RBMS1: variants seen among roughly 807,000 people sequenced by gnomAD.
RBMS1 encodes RNA-binding motif, single-stranded-interacting protein 1.
Under a neutral mutation model 62.3 loss-of-function variants are expected in RBMS1, and 17 were observed. The ratio of observed to expected loss-of-function variants is 0.27; its 90% CI spans 0.19 to 0.41. RBMS1 has a LOEUF of 0.41. Ranked by LOEUF, RBMS1 falls within the 10% of genes least tolerant of loss-of-function variation. The pLI is 1.00. For missense variants in RBMS1, 334 were observed against 504.5 expected (o/e 0.66, Z 3.24); for synonymous variants, 172 against 170.0 (o/e 1.01, Z -0.09).
intron 1 of RBMS1, 112 bp downstream of exon 1, chr2:160,493,177 C>A: frequency 9.2e-7 from 1 of 1,082,562 alleles, no homozygotes; most frequent in South Asian, 1.4e-5. Flanking sequence ...CTTCCAGCAA[C>A]TCCGCCCGGC....
At chr2:160,488,338 G>A (rs1685681411) in intron 1 of RBMS1, among the ~76,000 whole-genome samples, 1 of 152,170 alleles carries the variant, frequency 6.6e-6, no homozygotes, top group African/African-American at 2.4e-5. Context: ...CACTTTGAAA[G>A]GAGGCTGAGG....
chr2:160,458,150 G>GCT (rs1684321283), intron 1 of RBMS1, among the ~76,000 whole-genome samples: 1 of 151,944 alleles, frequency 6.6e-6, no homozygotes, highest in African/African-American at 2.4e-5. Flanking sequence ...TTTTCATAGA[G>GCT]ATAGAATCTC....
chr2:160,373,872 C>A (rs761422116), intron 1 of RBMS1, among the ~76,000 whole-genome samples: 5 of 151,996 alleles, frequency 3.3e-5, no homozygotes, highest in African/African-American at 4.8e-5. Context: ...TAGAGTTCAA[C>A]CAAGGGAAGA....
chr2:160,426,719 T>C (rs1312525267), intron 1 of RBMS1, among the ~76,000 whole-genome samples: 1 of 152,210 alleles, frequency 6.6e-6, no homozygotes, highest in Non-Finnish European at 1.5e-5. Context: ...TCTTAAGGAC[T>C]GTGTTATATT....
chr2:160,421,815 T>G (rs1559531848), intron 1 of RBMS1, among the ~76,000 whole-genome samples: 1 of 152,230 alleles, frequency 6.6e-6, no homozygotes. Flanking sequence ...ACCTGTGGTT[T>G]CCTGACTTTT....
At chr2:160,385,458 G>A (rs1373277368) in intron 1 of RBMS1, among the ~76,000 whole-genome samples, 1 of 152,214 alleles carries the variant, frequency 6.6e-6, no homozygotes, top group African/African-American at 2.4e-5. Context: ...ACAGGCAGGT[G>A]AAGCTGGGAG....
At chr2:160,401,541 T>C (rs1013336759) in intron 1 of RBMS1, among the ~76,000 whole-genome samples, 4 of 152,192 alleles carry the variant, frequency 2.6e-5, no homozygotes, top group Admixed American at 2.6e-4. Flanking sequence ...TCTGTACAGA[T>C]GCGAGTTTAA....
At chr2:160,402,762 C>T (rs1181078261) in intron 1 of RBMS1, among the ~76,000 whole-genome samples, 1 of 152,114 alleles carries the variant, frequency 6.6e-6, no homozygotes, top group Non-Finnish European at 1.5e-5. Context: ...AGGGACCTAG[C>T]TTTCACCATG....
At chr2:160,332,284 T>C (rs1490342239) in intron 2 of RBMS1, among the ~76,000 whole-genome samples, 1 of 152,184 alleles carries the variant, frequency 6.6e-6, no homozygotes, top group African/African-American at 2.4e-5. Flanking sequence ...AGTAAAAGAA[T>C]AGCGGCAAAG....
intron 1 of RBMS1, among the ~76,000 whole-genome samples, chr2:160,430,736 T>C (rs1320994848): frequency 6.6e-6 from 1 of 152,166 alleles, no homozygotes; most frequent in African/African-American, 2.4e-5. Flanking sequence ...GTTTTGATGT[T>C]TGAGAAATGT....
rs1014451479 is a variant in RBMS1, at chr2:160,378,578, C to T, written c.76-11187G>A. ...ACTGAGCTGAGATCATGCCACTGCTCTGCTCTTCAGCCTGGGCACCAAAGT... is the reference window on the plus strand; with the variant it reads ...ACTGAGCTGAGATCATGCCACTGCTTTGCTCTTCAGCCTGGGCACCAAAGT... On this transcript the variant is annotated intron_variant, in intron 1 of 13. Transcript: ENST00000348849. Among the ~76,000 whole-genome samples the T allele has an allele frequency of 1.5e-4, 22 of 151,378 alleles. 1 individual carries two copies. Among genetic ancestry groups the T allele is most frequent in the African/African-American group, 4.9e-4 (20 of 41,148 alleles).
At chr2:160,491,754 T>G (rs1290433352) in intron 1 of RBMS1, among the ~76,000 whole-genome samples, 4 of 152,358 alleles carry the variant, frequency 2.6e-5, no homozygotes, top group African/African-American at 9.6e-5. Flanking sequence ...TAAAAGGTAG[T>G]GCATTGATTA....
chr2:160,461,591 C>A (rs746383055), intron 1 of RBMS1, among the ~76,000 whole-genome samples: 2 of 152,220 alleles, frequency 1.3e-5, no homozygotes, highest in African/African-American at 4.8e-5. Flanking sequence ...GCTTCGGGAG[C>A]GCTATAGGCC....
intron 7 of RBMS1, 75 bp from the exon 8 acceptor site, chr2:160,285,119 T>A (rs189607505): frequency 7.0e-7 from 1 of 1,428,116 alleles, no homozygotes; most frequent in Non-Finnish European, 9.9e-7. Flanking sequence ...TAGCCAGGTG[T>A]GGTGGTGTGC....
chr2:160,361,583 G>A (rs1693131046), intron 2 of RBMS1, among the ~76,000 whole-genome samples: 1 of 152,116 alleles, frequency 6.6e-6, no homozygotes, highest in African/African-American at 2.4e-5. Context: ...ATATGTAAAA[G>A]TTATGTTTAC....
chr2:160,483,003 G>C (rs149615406), intron 1 of RBMS1, among the ~76,000 whole-genome samples: 1 of 151,576 alleles, frequency 6.6e-6, no homozygotes, highest in Admixed American at 6.6e-5. Context: ...CAGAGACAGA[G>C]AGAGGTAGAA....
intron 1 of RBMS1, among the ~76,000 whole-genome samples, chr2:160,431,790 T>G (rs1198759761): frequency 1.3e-5 from 2 of 152,170 alleles, no homozygotes; most frequent in African/African-American, 4.8e-5. Context: ...TAACTCCAAC[T>G]TATTCTTCAA....
chr2:160,316,756 T>C (rs1690245304), intron 3 of RBMS1, among the ~76,000 whole-genome samples: 1 of 152,178 alleles, frequency 6.6e-6, no homozygotes, highest in Admixed American at 6.6e-5. Flanking sequence ...TTAAGATTTC[T>C]TTTGGGGTGG....
intron 2 of RBMS1, among the ~76,000 whole-genome samples, chr2:160,358,776 T>C (rs114559733): frequency 0.011 from 1,709 of 152,184 alleles, 40 homozygotes; most frequent in African/African-American, 0.037. Flanking sequence ...TCAATAAAGA[T>C]TAGTTTTTAT....
Sources: gnomAD v4.1 joint callset for allele counts (sites outside exome capture counted in the v4.1 genomes callset) on GRCh38, gnomAD v4.1.1 for gene constraint, MANE v1.5 for transcripts, NCBI Gene and HGNC (gene_info 2026-07-23, HGNC 2026-07-21) for gene names.